Variants in CUL4A observed in about 807,000 individuals in gnomAD.
The protein encoded by CUL4A is cullin 4A, also known as cullin-4A.
A neutral mutation model predicts 95.5 loss-of-function variants in CUL4A; 16 were observed. The ratio of observed to expected loss-of-function variants is 0.17; its 90% CI spans 0.11 to 0.25. CUL4A has a LOEUF of 0.25. Ranked by LOEUF, CUL4A falls within the 10% of genes least tolerant of loss-of-function variation. The pLI, the probability that CUL4A is intolerant of heterozygous loss-of-function variation, is 1.00. For synonymous variants in CUL4A, 380 were observed against 353.1 expected, an observed-to-expected ratio of 1.08 and a Z score of -0.85; for missense variants, 610 against 937.0, an observed-to-expected ratio of 0.65 and a Z score of 4.56.
intron 10 of CUL4A, 38 bp from the exon 11 acceptor site, chr13:113,242,930 A>T (rs1566357546): frequency 6.5e-7 from 1 of 1,528,316 alleles, no homozygotes. Context: ...TTGCTATTGT[A>T]AACATGTTGC....
At chr13:113,228,527 C>G (rs1303481563) in intron 4 of CUL4A, among the ~76,000 whole-genome samples, 2 of 152,032 alleles carry the variant, frequency 1.3e-5, no homozygotes, top group Non-Finnish European at 2.9e-5. Context: ...TAAATGATAT[C>G]AGTAGGAGAC....
intron 18 of CUL4A, among the ~76,000 whole-genome samples, chr13:113,259,381 C>G (rs2042211688): frequency 6.6e-6 from 1 of 152,192 alleles, no homozygotes; most frequent in Non-Finnish European, 1.5e-5. Flanking sequence ...ATACTTGCCT[C>G]ATATGTATGC....
rs372397100 is a variant in CUL4A, at chr13:113,261,329, C to T, written c.2184+570C>T. The stretch of plus-strand genomic sequence containing the variant: ...CCCAGGAAATACTGAACTCTGATGA[C>T]GCCTGGCCTCTCAGGGACAGGACCG... On this transcript the variant is annotated intron_variant, in intron 19 of 19. Coordinates refer to ENST00000375440, the MANE Select transcript of CUL4A (RefSeq NM_001008895.4). 2.0e-5 allele frequency among the ~76,000 whole-genome samples: 3 copies of T among 152,288 alleles called. No homozygotes were observed. The East Asian group carries it at 5.8e-4, about 29-fold the overall frequency.
At chr13:113,222,343 A>G (rs1265549793) in intron 3 of CUL4A, among the ~76,000 whole-genome samples, 1 of 152,126 alleles carries the variant, frequency 6.6e-6, no homozygotes, top group African/African-American at 2.4e-5. Flanking sequence ...TTGACTGGGC[A>G]GCAAAACCAC....
In CUL4A at chr13:113,243,036, C is replaced by G; in HGVS notation, c.1104C>G (p.Phe368Leu). Residue 368 changes from phenylalanine (F) to leucine (L), a missense_variant, in exon 11 of 20, where the codon TTC becomes TTG. Physicochemically the swap from Phe to Leu is conservative, Grantham distance 22 (BLOSUM62 0). This residue lies in a region of CUL4A where 153 missense variants were observed against 244.5 expected (regional missense o/e 0.63). Coordinates refer to ENST00000375440, the MANE Select transcript of CUL4A (RefSeq NM_001008895.4). ...DKDMVQDLLD[F>L]KDKVDHVIEV... ...ACATGGTCCAAGACCTGTTGGACTT[C>G]AAGGACAAGGTGGACCACGTGATCG... 6.2e-7 allele frequency: 1 copy of G among 1,614,144 alleles called. No individual in the cohort carries two copies. Among genetic ancestry groups the G allele is most frequent in the Non-Finnish European group, 8.5e-7 (1 of 1,180,002 alleles).
At chr13:113,260,203 C>CAAAAAAAAAAAAAAAAAAAAAAAAAGA (rs71101559) in intron 18 of CUL4A, among the ~76,000 whole-genome samples, 1 of 12,530 alleles carries the variant, frequency 8.0e-5, no homozygotes, top group Non-Finnish European at 1.5e-4. Context: ...GACTCCGTCT[C>CAAAAAAAAAAAAAAAAAAAAAAAAAGA]AAAAAAAAAA....
intron 15 of CUL4A, 90 bp from the exon 16 acceptor site, chr13:113,252,992 T>G: frequency 1.7e-6 from 1 of 595,528 alleles, no homozygotes. Flanking sequence ...AATTCAGCCG[T>G]GAGAAATTGT....
chr13:113,243,202 C>T (rs757512822), intron 11 of CUL4A, 42 bp downstream of exon 11: 13 of 1,531,920 alleles, frequency 8.5e-6, no homozygotes, highest in Non-Finnish European at 1.2e-5. Flanking sequence ...GTTTTTGAGA[C>T]AGTCTCACCC....
At chr13:113,226,320 A>G (rs1335887215) in intron 3 of CUL4A, among the ~76,000 whole-genome samples, 3 of 152,242 alleles carry the variant, frequency 2.0e-5, no homozygotes, top group Non-Finnish European at 4.4e-5. Flanking sequence ...TGGTTTGGCC[A>G]GTATTGTGTT....
chr13:113,235,187 G>C (rs1218182259), intron 8 of CUL4A, 42 bp downstream of exon 8: 1 of 1,349,648 alleles, frequency 7.4e-7, no homozygotes, highest in Non-Finnish European at 1.1e-6. Context: ...TCTTCACCAT[G>C]GCTGGAAGGT....
At chr13:113,224,339 C>T (rs9549359) in intron 3 of CUL4A, among the ~76,000 whole-genome samples, 32,143 of 150,966 alleles carry the variant, frequency 0.21, 3,883 homozygotes, top group South Asian at 0.41. Context: ...GGTGACAGAG[C>T]GAGACTCCAT....
intron 9 of CUL4A, among the ~76,000 whole-genome samples, chr13:113,238,616 G>A (rs2041617877): frequency 6.6e-6 from 1 of 152,116 alleles, no homozygotes; most frequent in East Asian, 1.9e-4. Flanking sequence ...CTTAAGACAT[G>A]GGTTTTAGTA....
chr13:113,240,840 G>A (rs2041687941), intron 10 of CUL4A, among the ~76,000 whole-genome samples: 1 of 152,200 alleles, frequency 6.6e-6, no homozygotes, highest in East Asian at 1.9e-4. Flanking sequence ...TGAAAAAGAC[G>A]GGTGCGCTGC....
At chr13:113,228,157 C>G (rs1276576423) in intron 4 of CUL4A, 112 bp downstream of exon 4, 1 of 833,250 alleles carries the variant, frequency 1.2e-6, no homozygotes, top group Non-Finnish European at 2.0e-6. Context: ...GTGTTCAGTG[C>G]TGTGGTTGAA....
At chr13:113,258,669 TC>T in intron 18 of CUL4A, among the ~76,000 whole-genome samples, 1 of 152,312 alleles carries the variant, frequency 6.6e-6, no homozygotes, top group South Asian at 2.1e-4. Context: ...CTAGGAGTGT[TC>T]AGTCTTTTCC....
intron 6 of CUL4A, among the ~76,000 whole-genome samples, chr13:113,233,586 A>C (rs576552992): frequency 2.0e-5 from 3 of 152,368 alleles, no homozygotes; most frequent in Admixed American, 2.0e-4. Context: ...CATAAAATGC[A>C]CGTTTTTCAT....
chr13:113,260,517 T>TCTAG, intron 18 of CUL4A, 90 bp from the exon 19 acceptor site: 1 of 1,219,962 alleles, frequency 8.2e-7, no homozygotes, highest in South Asian at 1.4e-5. Flanking sequence ...ACCATTGCAC[T>TCTAG]CTAGCCCAGG....
At chr13:113,223,515 A>T (rs1306769037) in intron 3 of CUL4A, among the ~76,000 whole-genome samples, 1 of 152,188 alleles carries the variant, frequency 6.6e-6, no homozygotes. Context: ...CTCTTGTCTC[A>T]GCCTCCCGAG....
intron 3 of CUL4A, among the ~76,000 whole-genome samples, chr13:113,220,660 A>G (rs1567017635): frequency 6.6e-6 from 1 of 152,256 alleles, no homozygotes; most frequent in East Asian, 1.9e-4. Context: ...TGCTGTCCCA[A>G]TTTACTTGAA....
Sources: allele counts gnomAD v4.1 joint callset (sites outside exome capture counted in the v4.1 genomes callset), GRCh38; gene constraint gnomAD v4.1.1; regional missense constraint gnomAD v4.1.1; transcripts MANE v1.5; gene names NCBI Gene and HGNC (gene_info 2026-07-23, HGNC 2026-07-21).